The following UNC13C variants were observed in gnomAD, a reference collection of about 807,000 sequenced individuals.
UNC13C encodes the protein protein unc-13 homolog C.
Under a neutral mutation model 245.4 loss-of-function variants are expected in UNC13C, and 174 were observed. That is an observed-to-expected ratio of 0.71 (90% CI 0.63 to 0.80). The LOEUF is 0.80. Ranked by LOEUF, UNC13C falls within the 30% of genes least tolerant of loss-of-function variation. The pLI is 0.00. For missense variants in UNC13C, 2,829 were observed against 2,602.9 expected (o/e 1.09, Z -1.89); for synonymous variants, 992 against 895.1 (o/e 1.11, Z -1.93).
At chr15:53,863,637 ATAAT>A in the UNC13C span, among the ~76,000 whole-genome samples, 1 of 152,208 alleles carries the variant, frequency 6.6e-6, no homozygotes, top group Non-Finnish European at 1.5e-5. Context: ...AAAAGGATTG[ATAAT>A]TAATATCATA....
At chr15:54,463,310 C>T (rs915327916) in intron 19 of UNC13C, among the ~76,000 whole-genome samples, 1 of 120,362 alleles carries the variant, frequency 8.3e-6, no homozygotes, top group Non-Finnish European at 1.6e-5. Flanking sequence ...TAAAAGCAGG[C>T]TGCCTGAAGC....
At chr15:54,018,717 C>A (rs555467174) in intron 2 of UNC13C, among the ~76,000 whole-genome samples, 1 of 152,290 alleles carries the variant, frequency 6.6e-6, no homozygotes, top group South Asian at 2.1e-4. Context: ...ATTGTCTCCT[C>A]AAAATTCCCA....
chr15:54,299,013 T>G (rs1053405638), intron 12 of UNC13C, among the ~76,000 whole-genome samples: 17 of 152,190 alleles, frequency 1.1e-4, no homozygotes, highest in Non-Finnish European at 2.2e-4. Flanking sequence ...GTATAGGACC[T>G]AGGCTTAATT....
chr15:54,362,392 A>G (rs945338902), intron 17 of UNC13C, among the ~76,000 whole-genome samples: 3 of 152,012 alleles, frequency 2.0e-5, no homozygotes, highest in African/African-American at 4.8e-5. Flanking sequence ...TAAAATGACT[A>G]TTTCTCCTAC....
chr15:54,535,591 A>T (rs1895952407), intron 26 of UNC13C, among the ~76,000 whole-genome samples: 1 of 152,158 alleles, frequency 6.6e-6, no homozygotes. Context: ...TCAATCACAC[A>T]ATCAGCCACA....
At chr15:53,910,008 T>C in the UNC13C span, among the ~76,000 whole-genome samples, 1 of 145,444 alleles carries the variant, frequency 6.9e-6, no homozygotes, top group African/African-American at 2.4e-5. Flanking sequence ...TTTTTTTTTT[T>C]TAATTTGCCT....
intron 21 of UNC13C, 29 bp from the exon 22 acceptor site, chr15:54,500,806 T>G (rs1311725987): frequency 7.5e-6 from 12 of 1,609,156 alleles, no homozygotes; most frequent in South Asian, 4.4e-5. Flanking sequence ...ATGTACTGTT[T>G]GGGATGGTTT....
Position 54,332,557 on chromosome 15 carries a change from C to A in UNC13C, c.4494+446C>A, listed in dbSNP as rs188089983. Among the ~76,000 whole-genome samples, 185 of 151,998 alleles carry A rather than the reference C, an allele frequency of 1.2e-3. 1 individual carries two copies. The highest frequency in any genetic ancestry group is 4.2e-3 in the African/African-American group (173 of 41,506). On this transcript the variant is annotated intron_variant, in intron 15 of 32. Transcript: ENST00000260323. ...CTCCTGGATCGTGATACCAAGAGTA[C>A]CATTTGTTCCTGCAAAGCTGCCCAG... is the stretch of plus-strand genomic sequence containing the variant.
intron 20 of UNC13C, among the ~76,000 whole-genome samples, chr15:54,496,300 G>A (rs1234420935): frequency 1.3e-5 from 2 of 152,010 alleles, no homozygotes; most frequent in South Asian, 2.1e-4. Context: ...TATGTAAAGG[G>A]TGAAGATGTG....
intron 2 of UNC13C, chr15:54,050,139 T>C (rs571055907): frequency 3.8e-4 from 138 of 363,212 alleles, no homozygotes; most frequent in Non-Finnish European, 7.0e-4. Context: ...CCGGCTATTT[T>C]TTTGTATTTT....
chr15:54,371,488 A>T (rs779740967), intron 17 of UNC13C, among the ~76,000 whole-genome samples: 4 of 152,116 alleles, frequency 2.6e-5, no homozygotes, highest in African/African-American at 9.7e-5. Flanking sequence ...TGTCATCTCA[A>T]GACTTTTTTG....
At position 53,986,429 on chromosome 15, in the gene UNC13C, A is replaced by G. The variant is rs569631497; in HGVS notation, c.-257+7502A>G. Among the ~76,000 whole-genome samples the G allele has an allele frequency of 8.5e-5, 13 of 152,180 alleles. No homozygotes were observed. In the East Asian group the frequency reaches 2.3e-3, roughly 27 times the overall value. On this transcript the variant is annotated intron_variant, in intron 1 of 32. Transcript: ENST00000260323. ...ATGAATTTCTCTTATAGTTGATTCC[A>G]CTTCTCTGTAACTCAGGCCCTACTG...
At chr15:54,520,909 T>C (rs1895189556) in intron 24 of UNC13C, among the ~76,000 whole-genome samples, 1 of 152,138 alleles carries the variant, frequency 6.6e-6, no homozygotes, top group African/African-American at 2.4e-5. Context: ...GAAGGAAGGA[T>C]ATTGGCTAGA....
chr15:54,212,860 C>A (rs1387439414), intron 4 of UNC13C, among the ~76,000 whole-genome samples: 2 of 152,040 alleles, frequency 1.3e-5, no homozygotes, highest in African/African-American at 4.8e-5. Flanking sequence ...CAACTGTACA[C>A]CTGAAAATGC....
At chr15:54,382,694 G>A (rs544346446) in intron 17 of UNC13C, among the ~76,000 whole-genome samples, 1 of 151,834 alleles carries the variant, frequency 6.6e-6, no homozygotes, top group East Asian at 1.9e-4. Flanking sequence ...TTAGCAGAAG[G>A]AAGGAAATGA....
chr15:54,197,364 C>T (rs2034388571), intron 4 of UNC13C, among the ~76,000 whole-genome samples: 1 of 151,488 alleles, frequency 6.6e-6, no homozygotes, highest in Non-Finnish European at 1.5e-5. Flanking sequence ...AAGTGGGAGG[C>T]TAAGACAGGA....
intron 7 of UNC13C, among the ~76,000 whole-genome samples, chr15:54,245,594 C>T (rs185614782): frequency 0.025 from 3,791 of 152,098 alleles, 102 homozygotes; most frequent in Non-Finnish European, 0.032. Flanking sequence ...GAAATTATGT[C>T]TGTTTTTATA....
intron 14 of UNC13C, among the ~76,000 whole-genome samples, chr15:54,327,359 A>C (rs1209672411): frequency 6.6e-6 from 1 of 151,922 alleles, no homozygotes; most frequent in Non-Finnish European, 1.5e-5. Flanking sequence ...ATCACGTCAT[A>C]TGACAAAAAA....
intron 14 of UNC13C, among the ~76,000 whole-genome samples, chr15:54,329,657 C>G (rs1391840928): frequency 6.6e-6 from 1 of 152,052 alleles, no homozygotes; most frequent in Non-Finnish European, 1.5e-5. Context: ...AAAGTTCAAG[C>G]TGTCCTGCTG....
Sources: allele counts gnomAD v4.1 joint callset (sites outside exome capture counted in the v4.1 genomes callset), GRCh38; gene constraint gnomAD v4.1.1; transcripts MANE v1.5; gene names NCBI Gene and HGNC (gene_info 2026-07-23, HGNC 2026-07-21).